The following LHCGR variants were observed in gnomAD, a reference collection of about 807,000 sequenced individuals.
LHCGR encodes the protein luteinizing hormone/choriogonadotropin receptor.
In LHCGR, 55 loss-of-function variants were observed where a neutral mutation model predicts 60.7. The observed-to-expected ratio is 0.91, with a 90% CI of 0.73 to 1.13. LHCGR has a LOEUF of 1.13. Ranked by LOEUF, LHCGR falls within the 50% of genes most tolerant of loss-of-function variation. The probability of loss-of-function intolerance (pLI) is 0.00; values close to 1 mark genes in which losing one functional copy is unlikely to be tolerated. For missense variants in LHCGR, 862 were observed against 836.0 expected (o/e 1.03, Z -0.38); for synonymous variants, 337 against 316.5 (o/e 1.06, Z -0.69).
intron 7 of LHCGR, among the ~76,000 whole-genome samples, chr2:48,711,105 C>G (rs548393955): frequency 6.6e-6 from 1 of 152,304 alleles, no homozygotes; most frequent in South Asian, 2.1e-4. Flanking sequence ...TCTGCTCCCT[C>G]TTTCTGTAAC....
intron 1 of LHCGR, chr2:48,732,890 A>G: frequency 1.9e-6 from 1 of 534,558 alleles, no homozygotes; most frequent in Non-Finnish European, 3.8e-6. Flanking sequence ...TCTATTCCCG[A>G]AGGCATTCCC....
At chr2:48,751,998 A>C (rs1304452647) in intron 1 of LHCGR, among the ~76,000 whole-genome samples, 1 of 152,248 alleles carries the variant, frequency 6.6e-6, no homozygotes, top group African/African-American at 2.4e-5. Context: ...AGCCATGGGC[A>C]AGGTGAGATT....
At chr2:48,713,898 A>C in intron 7 of LHCGR, 88 bp downstream of exon 7, 1 of 1,044,284 alleles carries the variant, frequency 9.6e-7, no homozygotes, top group Non-Finnish European at 1.5e-6. Flanking sequence ...TTTTGCCCTG[A>C]GTTAGTTGCT....
At chr2:48,744,554 A>G (rs1386920327) in intron 1 of LHCGR, among the ~76,000 whole-genome samples, 1 of 78,522 alleles carries the variant, frequency 1.3e-5, no homozygotes, top group Non-Finnish European at 2.5e-5. Flanking sequence ...ATCTACAACT[A>G]TCTGATCTTT....
At chr2:48,703,863 A>G (rs1169523053) in intron 8 of LHCGR, among the ~76,000 whole-genome samples, 2 of 152,118 alleles carry the variant, frequency 1.3e-5, no homozygotes, top group Non-Finnish European at 2.9e-5. Flanking sequence ...TCTTTTCCTA[A>G]ATGAATACCC....
At chr2:48,725,832 G>T in intron 3 of LHCGR, 82 bp from the exon 4 acceptor site, 1 of 1,173,318 alleles carries the variant, frequency 8.5e-7, no homozygotes, top group Non-Finnish European at 1.3e-6. Context: ...GTCACCAGAA[G>T]TTGCTGGCTG....
chr2:48,708,699 C>A, intron 8 of LHCGR: 1 of 584,206 alleles, frequency 1.7e-6, no homozygotes, highest in South Asian at 2.0e-5. Flanking sequence ...GGAGCCAACC[C>A]CTGCTGACAC....
chr2:48,704,936 T>C (rs1313091559), intron 8 of LHCGR, among the ~76,000 whole-genome samples: 1 of 152,208 alleles, frequency 6.6e-6, no homozygotes, highest in Non-Finnish European at 1.5e-5. Context: ...TGCTAGCTTT[T>C]GAATGTGTTT....
intron 6 of LHCGR, 124 bp downstream of exon 6, chr2:48,723,332 G>A (rs1204777128): frequency 1.3e-6 from 1 of 758,156 alleles, no homozygotes; most frequent in Non-Finnish European, 2.4e-6. Context: ...TAGCATTTTA[G>A]GTTAAGAAGA....
At chr2:48,711,205 C>A (rs1260646320) in intron 7 of LHCGR, among the ~76,000 whole-genome samples, 1 of 152,190 alleles carries the variant, frequency 6.6e-6, no homozygotes, top group Non-Finnish European at 1.5e-5. Context: ...ATCCTGGATA[C>A]CTTGCCTAAA....
intron 1 of LHCGR, among the ~76,000 whole-genome samples, chr2:48,736,274 A>G (rs1026819014): frequency 1.3e-5 from 2 of 152,128 alleles, no homozygotes; most frequent in East Asian, 1.9e-4. Flanking sequence ...TGGACAATGT[A>G]TAGAATAAAG....
At chr2:48,693,848 G>A (rs1353310270) in intron 10 of LHCGR, among the ~76,000 whole-genome samples, 5 of 152,152 alleles carry the variant, frequency 3.3e-5, no homozygotes, top group African/African-American at 1.2e-4. Context: ...TTTAAGCTAC[G>A]TTTGCAATTA....
Position 48,714,043 on chromosome 2 carries a change from C to G in LHCGR, c.548G>C (p.Gly183Ala). 6.2e-7 allele frequency: 1 copy of G among 1,612,336 alleles called. No homozygotes were observed. Residue 183 changes from glycine (G) to alanine (A), a missense_variant, in exon 7 of 11, where the codon GGA becomes GCA. Physicochemically the swap from Gly to Ala is moderately conservative, Grantham distance 60. Transcript: ENST00000294954. ...NNESVTLKLYGNGFEEVQSHA... is the reference protein window; with the variant it reads ...NNESVTLKLYANGFEEVQSHA... ...ACTTTGTACTTCTTCAAATCCATTT[C>G]CATATAGTTTGCTGAAGGAGGGAGG...
intron 8 of LHCGR, among the ~76,000 whole-genome samples, chr2:48,708,143 T>C (rs1667788188): frequency 1.3e-5 from 2 of 152,200 alleles, no homozygotes; most frequent in African/African-American, 4.8e-5. Context: ...GATCTGTTCC[T>C]ATTCGGCCGT....
intron 1 of LHCGR, among the ~76,000 whole-genome samples, chr2:48,734,538 G>C (rs1412350481): frequency 7.5e-6 from 1 of 133,694 alleles, no homozygotes; most frequent in East Asian, 2.1e-4. Context: ...TTGGCAGCCT[G>C]CTTGCTTACC....
At chr2:48,727,472 C>T (rs1013353668) in intron 3 of LHCGR, among the ~76,000 whole-genome samples, 1 of 152,174 alleles carries the variant, frequency 6.6e-6, no homozygotes, top group Non-Finnish European at 1.5e-5. Context: ...TAAACTTTCC[C>T]TGAGAGTGCT....
At chr2:48,694,941 A>C (rs1285991838) in intron 9 of LHCGR, among the ~76,000 whole-genome samples, 3 of 152,150 alleles carry the variant, frequency 2.0e-5, no homozygotes, top group African/African-American at 7.2e-5. Flanking sequence ...AAATGAATAA[A>C]GAAATAGGGT....
intron 9 of LHCGR, among the ~76,000 whole-genome samples, chr2:48,697,456 A>T (rs1244613909): frequency 1.3e-5 from 2 of 152,202 alleles, no homozygotes; most frequent in Admixed American, 6.5e-5. Context: ...TTCACACAGT[A>T]TTTGAAACAT....
chr2:48,751,022 C>T (rs1324449742), intron 1 of LHCGR, among the ~76,000 whole-genome samples: 3 of 151,934 alleles, frequency 2.0e-5, no homozygotes, highest in African/African-American at 7.3e-5. Context: ...ACATGTTGAA[C>T]AAATGGCTGC....
Sources: gnomAD v4.1 joint callset for allele counts (sites outside exome capture counted in the v4.1 genomes callset) on GRCh38, gnomAD v4.1.1 for gene constraint, MANE v1.5 for transcripts, NCBI Gene and HGNC (gene_info 2026-07-23, HGNC 2026-07-21) for gene names.